ECD: variants seen among roughly 807,000 people sequenced by gnomAD.
ECD encodes protein ecdysoneless homolog.
A neutral mutation model predicts 77.2 loss-of-function variants in ECD; 59 were observed. The observed-to-expected ratio is 0.76, with a 90% CI of 0.62 to 0.95. ECD has a LOEUF of 0.95. ECD is among the 40% of genes least tolerant of loss of function. ECD has a pLI of 0.00. For synonymous variants in ECD, 233 were observed against 267.4 expected (o/e 0.87, Z 1.26); for missense variants, 704 against 763.4 (o/e 0.92, Z 0.92).
chr10:73,151,183 A>C (rs976150931), intron 7 of ECD, among the ~76,000 whole-genome samples: 31 of 150,740 alleles, frequency 2.1e-4, no homozygotes, highest in Admixed American at 6.0e-4. Flanking sequence ...ACACCATGGA[A>C]TACTATGCAG....
intron 13 of ECD, 115 bp downstream of exon 13, chr10:73,136,588 CA>C: frequency 1.1e-6 from 1 of 936,960 alleles, no homozygotes. Context: ...AAACAATTAA[CA>C]TTCTTATTTA....
chr10:73,151,232 T>C (rs1452705407), intron 7 of ECD, among the ~76,000 whole-genome samples: 2 of 151,906 alleles, frequency 1.3e-5, no homozygotes, highest in Non-Finnish European at 2.9e-5. Context: ...TGTAGGGACA[T>C]GGATGAAGCT....
chr10:73,134,821 A>G lies in ECD; in HGVS notation c.1705-8T>C. The G allele has an allele frequency of 1.9e-6, 3 of 1,611,648 alleles. No individual in the cohort carries two copies. The highest frequency in any genetic ancestry group is 2.5e-6 in the Non-Finnish European group (3 of 1,178,050). ...AGTCTGGGATACAGGTTCCTTATTC[A>G]TAGAGGGAAAAGAAAATTATGGGCT... On this transcript the variant is annotated splice_polypyrimidine_tract_variant and splice_region_variant and intron_variant, in intron 13 of 13. Transcript: ENST00000372979.
chr10:73,142,301 G>GC (rs1394476021), intron 9 of ECD, among the ~76,000 whole-genome samples: 1 of 151,936 alleles, frequency 6.6e-6, no homozygotes, highest in Non-Finnish European at 1.5e-5. Context: ...GAGCCACTGT[G>GC]CCCGGCCTAT....
Position 73,160,442 on chromosome 10 carries a change from T to A in ECD, c.315A>T (p.Leu105Phe). The A allele has an allele frequency of 6.3e-7, 1 of 1,594,538 alleles. No homozygotes were observed. The highest frequency in any genetic ancestry group is 8.5e-7 in the Non-Finnish European group (1 of 1,171,940). ...TAAAATAACTACAATACCTTGCTAC[T>A]AACTCTGGAAATTCCTTTGTGATCT... ...IKQITKEFPE[L>F]VARIEDNDGE... Residue 105 changes from leucine (L) to phenylalanine (F), a missense_variant, in exon 3 of 14, where the codon TTA becomes TTT. Coordinates refer to ENST00000372979, the MANE Select transcript of ECD (RefSeq NM_007265.3).
At position 73,134,727 on chromosome 10, in the gene ECD, G is replaced by A. The variant is rs201794246; in HGVS notation, c.1791C>T (p.Asp597=). The A allele has an allele frequency of 2.1e-4, 347 of 1,613,976 alleles. No individual in the cohort carries two copies. Among genetic ancestry groups the A allele is most frequent in the Non-Finnish European group, 2.8e-4 (327 of 1,180,022 alleles). Residue 597 remains aspartate (D), a synonymous_variant, in exon 14 of 14, where the codon GAC becomes GAT. Coordinates refer to ENST00000372979, the MANE Select transcript of ECD (RefSeq NM_007265.3). ...CCAATATATTTGAAACCAGGTTCAG[G>A]TCTACATCTACTGGTGCCATAACAG... ...GESVMAPVDV[D]LNLVSNILES... is the part of the protein sequence containing the mutation.
intron 7 of ECD, 25 bp from the exon 8 acceptor site, chr10:73,148,429 G>A: frequency 1.2e-6 from 2 of 1,601,890 alleles, no homozygotes; most frequent in Non-Finnish European, 1.7e-6. Flanking sequence ...TAGAATTTTT[G>A]TTACTAAGTT....
At chr10:73,147,169 T>C (rs1433223781) in intron 8 of ECD, among the ~76,000 whole-genome samples, 2 of 152,102 alleles carry the variant, frequency 1.3e-5, no homozygotes, top group African/African-American at 2.4e-5. Flanking sequence ...CACTTGAGCC[T>C]AGGAGATCGA....
At chr10:73,158,916 T>G (rs1355628805) in intron 3 of ECD, among the ~76,000 whole-genome samples, 4 of 151,862 alleles carry the variant, frequency 2.6e-5, no homozygotes, top group Non-Finnish European at 5.9e-5. Flanking sequence ...CATTTAAAAA[T>G]TTTAAATAAA....
At position 73,154,543 on chromosome 10, in the gene ECD, C is replaced by T. The variant is rs1843271224; in HGVS notation, c.591-95G>A. On this transcript the variant is annotated intron_variant, in intron 5 of 13. Coordinates refer to ENST00000372979, the MANE Select transcript of ECD (RefSeq NM_007265.3). ...TTCTTTTTGACATCTCTTTGTTCATCAAGAGCAGTACGTAGAGAGTGACAA... is the reference window on the plus strand; with the variant it reads ...TTCTTTTTGACATCTCTTTGTTCATTAAGAGCAGTACGTAGAGAGTGACAA... 2.5e-6 allele frequency: 3 copies of T among 1,199,482 alleles called. No individual in the cohort carries two copies. The South Asian group carries it at 4.9e-5, about 20-fold the overall frequency. 74.3% of individuals were successfully genotyped at this position (1,199,482 alleles called of 1,614,324 possible).
intron 7 of ECD, 94 bp downstream of exon 7, chr10:73,152,197 CAG>C (rs1273126330): frequency 7.1e-7 from 1 of 1,401,804 alleles, no homozygotes; most frequent in African/African-American, 1.4e-5. Flanking sequence ...CTTACATAAA[CAG>C]GGTGTATTTC....
At chr10:73,146,410 G>T in intron 8 of ECD, 49 bp from the exon 9 acceptor site, 1 of 1,345,406 alleles carries the variant, frequency 7.4e-7, no homozygotes, top group Non-Finnish European at 1.0e-6. Context: ...AAGTTGTCAT[G>T]AAAAAAATGT....
At chr10:73,160,032 C>T (rs1320592566) in intron 3 of ECD, among the ~76,000 whole-genome samples, 2 of 151,510 alleles carry the variant, frequency 1.3e-5, no homozygotes, top group Non-Finnish European at 2.9e-5. Context: ...CGCCTGTATT[C>T]CCAGCACTTT....
chr10:73,135,826 A>C (rs1032364927), intron 13 of ECD, among the ~76,000 whole-genome samples: 8 of 152,158 alleles, frequency 5.3e-5, no homozygotes, highest in African/African-American at 1.9e-4. Context: ...CTATGTTGTA[A>C]CATGATCTTT....
At chr10:73,156,233 A>G in intron 5 of ECD, 42 bp downstream of exon 5, 1 of 1,519,864 alleles carries the variant, frequency 6.6e-7, no homozygotes, top group Non-Finnish European at 8.8e-7. Flanking sequence ...ACACGAAACC[A>G]AAAGGTTCCT....
intron 2 of ECD, among the ~76,000 whole-genome samples, chr10:73,160,977 A>G (rs1843369008): frequency 6.6e-6 from 1 of 152,350 alleles, no homozygotes; most frequent in East Asian, 1.9e-4. Context: ...AAACATGTGC[A>G]CTATTCACAA....
intron 7 of ECD, among the ~76,000 whole-genome samples, chr10:73,151,771 T>C (rs1843211170): frequency 6.6e-6 from 1 of 152,218 alleles, no homozygotes; most frequent in African/African-American, 2.4e-5. Context: ...CATTTTCATA[T>C]TGACTTAAAG....
In ECD at chr10:73,163,702, A is replaced by C. The variant is rs767738769; in HGVS notation, c.205+31T>G. On this transcript the variant is annotated intron_variant, in intron 2 of 13. Transcript: ENST00000372979. Reference sequence around the variant, plus strand: ...TGTTGTCAGGATAACATTAAAAGTCACACTAATCCAAACAAGTAAAAGAGC... The same window carrying C: ...TGTTGTCAGGATAACATTAAAAGTCCCACTAATCCAAACAAGTAAAAGAGC... The C allele has an allele frequency of 9.4e-6, 15 of 1,602,624 alleles. No individual in the cohort carries two copies. In the African/African-American group the frequency reaches 1.6e-4, roughly 17 times the overall value.
rs139531713 is a variant in ECD at position 73,136,954 on chromosome 10, AATTATTATT to A, written c.1490-45_1490-37del. On this transcript the variant is annotated intron_variant, in intron 12 of 13. Transcript: ENST00000372979. ...CCCAAGAAAGAAAGAGCCACTTAGTAATTATTATTATTATTATTATTATTATTATTATTT... is the reference window on the plus strand; with the variant it reads ...CCCAAGAAAGAAAGAGCCACTTAGTAATTATTATTATTATTATTATTATTT... 1.7e-3 allele frequency: 1,679 copies of A among 992,528 alleles called. 124 individuals are homozygous for A. In the South Asian group the frequency reaches 0.046, roughly 27 times the overall value. 61.5% of individuals were successfully genotyped at this position (992,528 alleles called of 1,614,324 possible).
Sources: gnomAD v4.1 joint callset for allele counts (sites outside exome capture counted in the v4.1 genomes callset) on GRCh38, gnomAD v4.1.1 for gene constraint, MANE v1.5 for transcripts, NCBI Gene and HGNC (gene_info 2026-07-23, HGNC 2026-07-21) for gene names.